The following NEO1 variants were observed in gnomAD, a reference collection of about 807,000 sequenced individuals.
NEO1 encodes neogenin.
NEO1 carries 63 observed loss-of-function variants against 159.7 expected under a neutral mutation model. The observed-to-expected ratio is 0.39, with a 90% CI of 0.32 to 0.49. The LOEUF is 0.49. NEO1 is among the 20% of genes least tolerant of loss of function. NEO1 has a pLI of 0.85. For synonymous variants in NEO1, 633 were observed against 662.0 expected (o/e 0.96, Z 0.67); for missense variants, 1,615 against 1,831.0 (o/e 0.88, Z 2.15).
intron 26 of NEO1, among the ~76,000 whole-genome samples, chr15:73,295,613 A>G (rs2042334438): frequency 6.6e-6 from 1 of 152,116 alleles, no homozygotes; most frequent in African/African-American, 2.4e-5. Flanking sequence ...TGCTTTGATG[A>G]CTAGTTGGAT....
intron 28 of NEO1, 158 bp downstream of exon 28, chr15:73,301,615 C>G (rs2042618613): frequency 3.1e-6 from 3 of 977,732 alleles, no homozygotes; most frequent in South Asian, 3.3e-5. Flanking sequence ...TGTTGAGCAT[C>G]TCTTCTGAGC....
At chr15:73,269,292 A>G (rs4776631) in intron 16 of NEO1, among the ~76,000 whole-genome samples, 46,775 of 152,054 alleles carry the variant, frequency 0.31, 7,804 homozygotes, top group East Asian at 0.56. Context: ...TGAGGTTTGT[A>G]TTGCTTGTTT....
chr15:73,233,250 G>T (rs766306846), intron 7 of NEO1, among the ~76,000 whole-genome samples: 3 of 152,152 alleles, frequency 2.0e-5, no homozygotes, highest in Non-Finnish European at 4.4e-5. Context: ...GCCACAGTGG[G>T]CATGGATTTT....
chr15:73,277,660 AGAATC>A (rs1283581278), intron 21 of NEO1, among the ~76,000 whole-genome samples: 2 of 152,164 alleles, frequency 1.3e-5, no homozygotes, highest in African/African-American at 4.8e-5. Context: ...ATTTGAGAAA[AGAATC>A]TAAACAATAC....
chr15:73,170,726 A>G (rs945823557), intron 5 of NEO1, among the ~76,000 whole-genome samples: 3 of 152,208 alleles, frequency 2.0e-5, no homozygotes, highest in African/African-American at 7.2e-5. Flanking sequence ...GTGAAGGGAA[A>G]AAGTCAAGCA....
Position 73,081,296 on chromosome 15 carries a change from ACATTTTAAAACTG to A in NEO1, c.130+28500_130+28512del, listed in dbSNP as rs370685124. The stretch of plus-strand genomic sequence containing the variant: ...TTGAATGACTGGACTATAGATAATC[ACATTTTAAAACTG>A]CATTTTAATATTCTGTTCTCTTTAA... On this transcript the variant is annotated intron_variant, in intron 1 of 28. Coordinates refer to ENST00000261908, the MANE Select transcript of NEO1 (RefSeq NM_002499.4). Among the ~76,000 whole-genome samples the A allele has an allele frequency of 3.5e-3, 530 of 152,254 alleles. 3 individuals carry two copies. The highest frequency in any genetic ancestry group is 0.012 in the African/African-American group (499 of 41,540).
Position 73,304,641 on chromosome 15 carries a change from C to T in NEO1, c.*1945C>T, listed in dbSNP as rs1031868480. The T allele has an allele frequency of 1.3e-5, 2 of 152,166 alleles. No homozygotes were observed. Among genetic ancestry groups the T allele is most frequent in the African/African-American group, 4.8e-5 (2 of 41,418 alleles). 9.4% of individuals were successfully genotyped at this position (152,166 alleles called of 1,614,324 possible). ...GGAAAACCAGTGCACTTAAACTGATCCTGAAGAGAGCTGTCCCAGCACTCT... is the reference window on the plus strand; with the variant it reads ...GGAAAACCAGTGCACTTAAACTGATTCTGAAGAGAGCTGTCCCAGCACTCT... On this transcript the variant is annotated 3_prime_UTR_variant, in exon 29 of 29. Coordinates refer to ENST00000261908, the MANE Select transcript of NEO1 (RefSeq NM_002499.4).
intron 5 of NEO1, among the ~76,000 whole-genome samples, chr15:73,148,188 C>T (rs2033085537): frequency 1.3e-5 from 2 of 152,228 alleles, no homozygotes; most frequent in African/African-American, 2.4e-5. Context: ...GGGGTATCAT[C>T]AAATCTACAA....
intron 7 of NEO1, among the ~76,000 whole-genome samples, chr15:73,210,209 C>A (rs1351419632): frequency 1.3e-5 from 2 of 152,176 alleles, no homozygotes; most frequent in Non-Finnish European, 2.9e-5. Context: ...TGAGCTTTTA[C>A]AAGAATATGG....
At position 73,083,435 on chromosome 15, in the gene NEO1, C is replaced by CAT. The variant is rs199521348; in HGVS notation, c.130+30642_130+30643dup. 8.1e-3 allele frequency among the ~76,000 whole-genome samples: 1,232 copies of CAT among 151,416 alleles called. 9 individuals carry two copies. The highest frequency in any genetic ancestry group is 0.022 in the African/African-American group (906 of 41,278). ...ATTCAATAAATATATAAATATAAAA[C>CAT]ATATATATATATAAAACACAGTTTG... On this transcript the variant is annotated intron_variant, in intron 1 of 28. Transcript: ENST00000261908.
intron 25 of NEO1, 63 bp downstream of exon 25, chr15:73,289,301 T>G: frequency 7.4e-7 from 1 of 1,352,408 alleles, no homozygotes; most frequent in Non-Finnish European, 1.1e-6. Flanking sequence ...GGGGAACAAC[T>G]ATGAATGATC....
At chr15:73,112,312 C>G (rs2071043402) in intron 1 of NEO1, among the ~76,000 whole-genome samples, 1 of 152,162 alleles carries the variant, frequency 6.6e-6, no homozygotes, top group East Asian at 1.9e-4. Context: ...TGGAACATAG[C>G]TTCACCCATT....
In NEO1 at chr15:73,215,312, T is replaced by TAGAAGTGGTGAGA. The variant is rs560838381; in HGVS notation, c.1292-21035_1292-21034insAGAAGTGGTGAGA. On this transcript the variant is annotated intron_variant, in intron 7 of 28. Transcript: ENST00000261908. ...TTCTCTGGCTAGGACTTTCCAGTAC[T>TAGAAGTGGTGAGA]GTGTTGAAAAGAAGTGGTGAGAGTG... Among the ~76,000 whole-genome samples, 364 of 152,328 alleles carry TAGAAGTGGTGAGA rather than the reference T, an allele frequency of 2.4e-3. 3 individuals carry two copies. Among genetic ancestry groups the TAGAAGTGGTGAGA allele is most frequent in the African/African-American group, 7.5e-3 (312 of 41,586 alleles).
At chr15:73,129,458 C>A (rs2030795203) in intron 4 of NEO1, among the ~76,000 whole-genome samples, 1 of 152,040 alleles carries the variant, frequency 6.6e-6, no homozygotes, top group Non-Finnish European at 1.5e-5. Context: ...CTTAAGACTT[C>A]TTTGAAAGTG....
chr15:73,135,993 G>A lies in NEO1; in HGVS notation c.981G>A (p.Glu327=), dbSNP rs2031715733. 1 of 1,610,802 alleles carries A rather than the reference G, an allele frequency of 6.2e-7. No individual in the cohort carries two copies. The highest frequency in any genetic ancestry group is 1.7e-5 in the Admixed American group (1 of 59,718). ...TYFCIADNGN[E]TIEAQAELTV... Reference sequence around the variant, plus strand: ...TTTGTATAGCTGATAATGGAAATGAGACAATTGAAGCTCAAGCAGAGCTTA... The same window carrying A: ...TTTGTATAGCTGATAATGGAAATGAAACAATTGAAGCTCAAGCAGAGCTTA... The change falls in exon 5 of 29, where the codon GAG becomes GAA. Residue 327 remains glutamate (E), a synonymous_variant. Transcript: ENST00000261908.
chr15:73,275,294 CTT>C (rs1041038312), intron 21 of NEO1, among the ~76,000 whole-genome samples: 8 of 152,118 alleles, frequency 5.3e-5, no homozygotes, highest in African/African-American at 1.9e-4. Context: ...ATTCAGAGCT[CTT>C]TTTTCATTTC....
At chr15:73,218,142 T>G (rs969514917) in intron 7 of NEO1, among the ~76,000 whole-genome samples, 1 of 152,254 alleles carries the variant, frequency 6.6e-6, no homozygotes, top group Non-Finnish European at 1.5e-5. Context: ...TGAACGGCTG[T>G]TGAATTTTGT....
At chr15:73,086,907 C>T (rs1330066144) in intron 1 of NEO1, among the ~76,000 whole-genome samples, 2 of 152,054 alleles carry the variant, frequency 1.3e-5, no homozygotes, top group Middle Eastern at 3.2e-3. Flanking sequence ...TCACCTGCCT[C>T]GACCTCCCAA....
At chr15:73,187,379 TC>T (rs898887216) in intron 7 of NEO1, among the ~76,000 whole-genome samples, 23 of 152,178 alleles carry the variant, frequency 1.5e-4, no homozygotes, top group Admixed American at 1.5e-3. Context: ...ATTCTCCTGC[TC>T]CCTGTTTGCC....
Sources: gnomAD v4.1 joint callset for allele counts (sites outside exome capture counted in the v4.1 genomes callset) on GRCh38, gnomAD v4.1.1 for gene constraint, MANE v1.5 for transcripts, NCBI Gene and HGNC (gene_info 2026-07-23, HGNC 2026-07-21) for gene names.